The following NGEF variants were observed in gnomAD, a reference collection of about 807,000 sequenced individuals.
The protein encoded by NGEF is ephexin-1.
A neutral mutation model predicts 80.9 loss-of-function variants in NGEF; 31 were observed. The observed-to-expected ratio is 0.38, with a 90% CI of 0.29 to 0.52. The LOEUF is 0.52. NGEF is among the 20% of genes least tolerant of loss of function. NGEF has a pLI of 0.84. For synonymous variants in NGEF, 371 were observed against 370.2 expected, an observed-to-expected ratio of 1.00 and a Z score of -0.03; for missense variants, 709 against 926.2, an observed-to-expected ratio of 0.77 and a Z score of 3.04.
chr2:232,881,796 C>T (rs753589217), intron 13 of NGEF, among the ~76,000 whole-genome samples: 2 of 152,128 alleles, frequency 1.3e-5, no homozygotes, highest in Non-Finnish European at 2.9e-5. Context: ...AGGCTTGTCT[C>T]GAGCTCCTGA....
At chr2:232,967,180 C>T (rs1034337190) in intron 3 of NGEF, among the ~76,000 whole-genome samples, 2 of 152,056 alleles carry the variant, frequency 1.3e-5, no homozygotes, top group African/African-American at 2.4e-5. Context: ...CCTCTCACCC[C>T]ACTCCCTTGC....
At chr2:232,951,104 G>A (rs1198472786) in intron 3 of NGEF, among the ~76,000 whole-genome samples, 1 of 152,158 alleles carries the variant, frequency 6.6e-6, no homozygotes, top group African/African-American at 2.4e-5. Context: ...TAGGAAAGGT[G>A]TGAAGACAAC....
intron 14 of NGEF, 106 bp downstream of exon 14, chr2:232,881,040 G>A: frequency 1.2e-6 from 1 of 853,978 alleles, no homozygotes; most frequent in Non-Finnish European, 1.9e-6. Context: ...GACATGGCAG[G>A]ACACCAGCCT....
At chr2:232,891,566 C>G (rs1190773030) in intron 7 of NGEF, 79 bp from the exon 8 acceptor site, 5 of 1,485,692 alleles carry the variant, frequency 3.4e-6, no homozygotes, top group Non-Finnish European at 4.5e-6. Flanking sequence ...CATCCACAGC[C>G]TCCCAGGATC....
chr2:232,946,511 T>C (rs1337237728), intron 3 of NGEF, among the ~76,000 whole-genome samples: 1 of 152,136 alleles, frequency 6.6e-6, no homozygotes, highest in Non-Finnish European at 1.5e-5. Context: ...GGAATTAGGG[T>C]ATTCATGTGA....
chr2:232,952,134 G>C (rs1693690972), intron 3 of NGEF, among the ~76,000 whole-genome samples: 1 of 152,240 alleles, frequency 6.6e-6, no homozygotes, highest in Non-Finnish European at 1.5e-5. Context: ...GCCTCAGGCA[G>C]AGACCTGGTA....
intron 1 of NGEF, among the ~76,000 whole-genome samples, chr2:232,997,690 C>A (rs1436064757): frequency 2.0e-5 from 3 of 152,258 alleles, no homozygotes; most frequent in South Asian, 2.1e-4. Context: ...GGCGACCTGG[C>A]CTCCCCACTG....
intron 1 of NGEF, among the ~76,000 whole-genome samples, chr2:232,982,499 G>A (rs1362852573): frequency 1.3e-5 from 2 of 152,168 alleles, no homozygotes; most frequent in Non-Finnish European, 2.9e-5. Flanking sequence ...TTCCCAGGTA[G>A]GAAGCACAGG....
rs35757997 is a variant in NGEF, at chr2:232,903,436, G to GCACACA, written c.829-8526_829-8521dup. 5.2e-4 allele frequency among the ~76,000 whole-genome samples: 78 copies of GCACACA among 148,800 alleles called. 1 individual carries two copies. The highest frequency in any genetic ancestry group is 5.0e-3 in the South Asian group (23 of 4,614). ...TAGTTTACATTTGTGTGACATGAGGGCACACACACACACACACACACACAC... is the reference window on the plus strand; with the variant it reads ...TAGTTTACATTTGTGTGACATGAGGGCACACACACACACACACACACACACACACAC... On this transcript the variant is annotated intron_variant, in intron 5 of 14. Transcript: ENST00000264051.
chr2:233,001,134 A>G (rs1244671139), intron 1 of NGEF, among the ~76,000 whole-genome samples: 2 of 152,182 alleles, frequency 1.3e-5, no homozygotes, highest in African/African-American at 4.8e-5. Context: ...GCTTTGGCCC[A>G]GGAGGAATCA....
At chr2:232,988,949 G>A (rs1273600303) in intron 1 of NGEF, among the ~76,000 whole-genome samples, 1 of 152,146 alleles carries the variant, frequency 6.6e-6, no homozygotes, top group East Asian at 1.9e-4. Flanking sequence ...AGAGAGAAAT[G>A]TATTCAAATT....
At chr2:232,907,429 A>T (rs944148392) in intron 5 of NGEF, among the ~76,000 whole-genome samples, 1 of 152,208 alleles carries the variant, frequency 6.6e-6, no homozygotes, top group Non-Finnish European at 1.5e-5. Context: ...AAAAGATCTG[A>T]TACAGAAGTC....
At chr2:232,927,844 A>G (rs940061423) in intron 3 of NGEF, 6 of 1,187,348 alleles carry the variant, frequency 5.1e-6, no homozygotes, top group Middle Eastern at 3.3e-4. Flanking sequence ...GCTGGGAAAG[A>G]GGCACGCGGG....
At chr2:232,895,508 C>CA (rs1377059265) in intron 5 of NGEF, among the ~76,000 whole-genome samples, 1 of 143,772 alleles carries the variant, frequency 7.0e-6, no homozygotes, top group Non-Finnish European at 1.5e-5. Context: ...GCCTGGGTGA[C>CA]AGAGTGAGAC....
chr2:233,009,593 G>A lies in NGEF; in HGVS notation c.-75+3475C>T, dbSNP rs185686974. Among the ~76,000 whole-genome samples the A allele has an allele frequency of 5.3e-4, 81 of 151,622 alleles. No homozygotes were observed. In the East Asian group the frequency reaches 0.014, roughly 25 times the overall value. ...GTGGGAGGATTGCTGGAGTGTAAGA[G>A]TTTGGGATGAGCCTGGGCAAGATGG... On this transcript the variant is annotated intron_variant, in intron 1 of 14. Transcript: ENST00000264051.
intron 3 of NGEF, among the ~76,000 whole-genome samples, chr2:232,966,605 C>G (rs1238934080): frequency 1.3e-5 from 1 of 79,298 alleles, no homozygotes; most frequent in South Asian, 3.4e-4. Context: ...AAACTCACAG[C>G]ACCCTGACAA....
intron 1 of NGEF, among the ~76,000 whole-genome samples, chr2:232,987,919 G>A (rs1694565297): frequency 6.6e-6 from 1 of 152,158 alleles, no homozygotes; most frequent in African/African-American, 2.4e-5. Flanking sequence ...GTTGGGGACT[G>A]CCCACATGGC....
At chr2:232,927,985 G>C (rs1322031743) in intron 3 of NGEF, 5 of 1,283,322 alleles carry the variant, frequency 3.9e-6, no homozygotes, top group Non-Finnish European at 3.9e-6. Flanking sequence ...TGAAGGCAGC[G>C]GCCAGCAGCT....
intron 1 of NGEF, among the ~76,000 whole-genome samples, chr2:232,991,346 A>G (rs1489658206): frequency 6.6e-6 from 1 of 152,106 alleles, no homozygotes; most frequent in Non-Finnish European, 1.5e-5. Context: ...TCCAGTAAAA[A>G]AAAACAAAAA....
Sources: gnomAD v4.1 joint callset for allele counts (sites outside exome capture counted in the v4.1 genomes callset) on GRCh38, gnomAD v4.1.1 for gene constraint, MANE v1.5 for transcripts, NCBI Gene and HGNC (gene_info 2026-07-23, HGNC 2026-07-21) for gene names.